The following NPTX2 variants were observed in gnomAD, a reference collection of about 807,000 sequenced individuals.
NPTX2 encodes neuronal pentraxin 2.
In NPTX2, 23 loss-of-function variants were observed where a neutral mutation model predicts 38.1. The observed-to-expected ratio is 0.60, with a 90% CI of 0.43 to 0.85. The LOEUF (loss-of-function observed/expected upper bound fraction) is 0.85, where lower values mean the gene tolerates loss of function less well. Among genes scored for constraint, NPTX2 ranks in the 40% least tolerant of loss-of-function variants. The probability of loss-of-function intolerance (pLI) is 0.00; values close to 1 mark genes in which losing one functional copy is unlikely to be tolerated. For missense variants in NPTX2, 553 were observed against 615.3 expected (o/e 0.90, Z 1.07); for synonymous variants, 291 against 287.3 (o/e 1.01, Z -0.13).
chr7:98,620,066 A>G (rs1489900748), intron 2 of NPTX2: 3 of 600,188 alleles, frequency 5.0e-6, no homozygotes, highest in Non-Finnish European at 5.9e-6. Context: ...GGGAAAAGTG[A>G]AAGTGTCCAG....
rs768933239 is a variant in NPTX2 at position 98,619,747 on chromosome 7, G to T, written c.531G>T (p.Val177=). 5 of 1,613,298 alleles carry T rather than the reference G, an allele frequency of 3.1e-6. No homozygotes were observed. The African/African-American group carries it at 4.0e-5, about 13-fold the overall frequency. The part of the protein sequence containing the change: ...GELERQLLRK[V]AELEDEKSLL... ...TGGAGAGGCAGCTTCTGCGCAAGGT[G>T]GCAGAGCTGGAGGACGAGAAGTCCC... The change falls in exon 2 of 5, where the codon GTG becomes GTT. Residue 177 remains valine, a synonymous_variant. Transcript: ENST00000265634.
chr7:98,628,859 C>G lies in NPTX2; in HGVS notation c.*230C>G, dbSNP rs1376057618. On this transcript the variant is annotated 3_prime_UTR_variant, in exon 5 of 5. Transcript: ENST00000265634. ...TGCCAGGGTCCCCTGGGAAGATGCC[C>G]CCAAGACACCTGCCCCAAGTGGGTG... 4.9e-6 allele frequency: 2 copies of G among 409,170 alleles called. No individual in the cohort carries two copies. The highest frequency in any genetic ancestry group is 8.7e-6 in the Non-Finnish European group (2 of 230,724). 25.3% of individuals were successfully genotyped at this position (409,170 alleles called of 1,614,324 possible).
chr7:98,619,693 C>CGAG lies in NPTX2; in HGVS notation c.479_481dup (p.Glu160dup). On this transcript the variant is annotated inframe_insertion, in exon 2 of 5. Transcript: ENST00000265634. ...ATGCTGGGCTGCCCGGCGACTTCCGCGAGGTGCTCCAGCAGCGGCTGGGGG... is the reference window on the plus strand; with the variant it reads ...ATGCTGGGCTGCCCGGCGACTTCCGCGAGGAGGTGCTCCAGCAGCGGCTGGGGG... 6.2e-7 allele frequency: 1 copy of CGAG among 1,613,472 alleles called. No homozygotes were observed. The highest frequency in any genetic ancestry group is 8.5e-7 in the Non-Finnish European group (1 of 1,180,040).
chr7:98,625,988 A>T (rs544131614), intron 3 of NPTX2, among the ~76,000 whole-genome samples: 2 of 152,028 alleles, frequency 1.3e-5, no homozygotes, highest in African/African-American at 4.8e-5. Context: ...TCTACAAAAA[A>T]TTAGAAAGTT....
At position 98,628,430 on chromosome 7, in the gene NPTX2, C is replaced by G; in HGVS notation, c.1097C>G (p.Thr366Ser). 6.2e-7 allele frequency: 1 copy of G among 1,608,082 alleles called. No homozygotes were observed. Among genetic ancestry groups the G allele is most frequent in the Non-Finnish European group, 8.5e-7 (1 of 1,175,712 alleles). ...ACCGTGGGGGGTAGGTTTGATGCCA[C>G]TCAGGCATTTGTCGGGGAGCTCAGC... ...QDTVGGRFDA[T>S]QAFVGELSQF... The change falls in exon 5 of 5, where the codon ACT becomes AGT. Residue 366 changes from threonine to serine, a missense_variant. Thr to Ser is a moderately conservative substitution (Grantham distance 58). Coordinates refer to ENST00000265634, the MANE Select transcript of NPTX2 (RefSeq NM_002523.3).
chr7:98,623,415 T>A (rs1791300861), intron 2 of NPTX2, among the ~76,000 whole-genome samples: 1 of 152,120 alleles, frequency 6.6e-6, no homozygotes, highest in African/African-American at 2.4e-5. Flanking sequence ...TTTCAAGGAT[T>A]TTAGAAGTGC....
At position 98,628,995 on chromosome 7, in the gene NPTX2, C is replaced by T. The variant is rs1349303347; in HGVS notation, c.*366C>T. 4.2e-5 allele frequency: 8 copies of T among 192,380 alleles called. No individual in the cohort carries two copies. Among genetic ancestry groups the T allele is most frequent in the South Asian group, 1.7e-4 (1 of 5,930 alleles). The allele number at this position is 192,380 out of a possible 1,614,324, so 11.9% of individuals were successfully genotyped here. On this transcript the variant is annotated 3_prime_UTR_variant, in exon 5 of 5. Transcript: ENST00000265634. The stretch of plus-strand genomic sequence containing the variant: ...GCCGCCTTCCAGTTCCTTGGTGTCC[C>T]GTGCACCCCTTCTGTCTGTCCCCTT...
At position 98,628,471 on chromosome 7, in the gene NPTX2, G is replaced by C; in HGVS notation, c.1138G>C (p.Asp380His). Residue 380 changes from aspartate (D) to histidine (H), a missense_variant, in exon 5 of 5, where the codon GAC (aspartate) becomes CAC (histidine). Asp to His is a moderately conservative substitution (Grantham distance 81, BLOSUM62 -1). Coordinates refer to ENST00000265634, the MANE Select transcript of NPTX2 (RefSeq NM_002523.3). ...GGAGCTCAGCCAGTTCAACATATGG[G>C]ACCGCGTCCTTCGCGCACAAGAAAT... is the stretch of plus-strand genomic sequence containing the variant. ...VGELSQFNIW[D>H]RVLRAQEIVN... 1 of 1,612,140 alleles carries C rather than the reference G, an allele frequency of 6.2e-7. No individual in the cohort carries two copies. The highest frequency in any genetic ancestry group is 1.1e-5 in the South Asian group (1 of 90,648).
Position 98,625,079 on chromosome 7 carries a change from C to G in NPTX2, c.801C>G (p.Pro267=), listed in dbSNP as rs779765826. The part of the protein sequence containing the change: ...RSSASPGIGT[P]FSYAVPGQAN... ...GCGCCTCACCAGGCATTGGCACCCC[C>G]TTCTCCTATGCGGTGCCAGGGCAGG... is the stretch of plus-strand genomic sequence containing the variant. Residue 267 remains proline, a synonymous_variant, in exon 3 of 5, where the codon CCC becomes CCG. Transcript: ENST00000265634. 3.1e-5 allele frequency: 50 copies of G among 1,613,142 alleles called. No individual in the cohort carries two copies. Among genetic ancestry groups the G allele is most frequent in the Non-Finnish European group, 4.2e-5 (49 of 1,179,936 alleles).
chr7:98,619,993 TAATA>T lies in NPTX2; in HGVS notation c.643+137_643+140del, dbSNP rs1791248804. 5.3e-6 allele frequency: 4 copies of T among 753,776 alleles called. No individual in the cohort carries two copies. The East Asian group carries it at 1.1e-4, about 20-fold the overall frequency. The allele number at this position is 753,776 out of a possible 1,614,324, so 46.7% of individuals were successfully genotyped here. On this transcript the variant is annotated intron_variant, in intron 2 of 4. Coordinates refer to ENST00000265634, the MANE Select transcript of NPTX2 (RefSeq NM_002523.3). ...CCTGGTTCCCGAGTGTGTGAGCAAA[TAATA>T]AAGGCGACTGAACAAGGTCATCTCA...
At chr7:98,620,392 G>A (rs948656034) in intron 2 of NPTX2, among the ~76,000 whole-genome samples, 1 of 152,146 alleles carries the variant, frequency 6.6e-6, no homozygotes, top group Non-Finnish European at 1.5e-5. Flanking sequence ...ATGCCCAATA[G>A]CAGAACATCC....
At chr7:98,620,375 T>C (rs1425642364) in intron 2 of NPTX2, among the ~76,000 whole-genome samples, 1 of 152,074 alleles carries the variant, frequency 6.6e-6, no homozygotes, top group East Asian at 1.9e-4. Context: ...CATGCATTGA[T>C]AGGAGGATGC....
chr7:98,625,664 C>T (rs1439277304), intron 3 of NPTX2, among the ~76,000 whole-genome samples: 1 of 152,134 alleles, frequency 6.6e-6, no homozygotes, highest in African/African-American at 2.4e-5. Context: ...TGTGTAACCA[C>T]CACCACGATG....
intron 1 of NPTX2, 131 bp from the exon 2 acceptor site, chr7:98,619,512 G>T: frequency 1.4e-6 from 1 of 708,566 alleles, no homozygotes; most frequent in East Asian, 2.6e-5. Context: ...ATGCTCCCCT[G>T]CCTGCCAGTG....
rs139599961 is a variant in NPTX2 at position 98,625,109 on chromosome 7, C to T, written c.831C>T (p.Asn277=). ...CCTATGCGGTGCCAGGGCAGGCCAA[C>T]GAGATCGTGCTGATCGAGTGGGGCA... ...PFSYAVPGQA[N]EIVLIEWGNN... Residue 277 remains asparagine, a synonymous_variant, in exon 3 of 5, where the codon AAC becomes AAT. Transcript: ENST00000265634. The T allele has an allele frequency of 1.5e-4, 249 of 1,610,798 alleles. No individual in the cohort carries two copies. Among genetic ancestry groups the T allele is most frequent in the Non-Finnish European group, 2.0e-4 (238 of 1,178,554 alleles).
At chr7:98,618,006 G>T (rs936239836) in intron 1 of NPTX2, 119 bp downstream of exon 1, 22 of 1,027,362 alleles carry the variant, frequency 2.1e-5, no homozygotes, top group Admixed American at 2.9e-5. Flanking sequence ...ATCGTCCGTG[G>T]GGGTGAGCTG....
At position 98,627,170 on chromosome 7, in the gene NPTX2, G is replaced by A. The variant is rs145736632; in HGVS notation, c.894G>A (p.Ala298=). 6.0e-5 allele frequency: 97 copies of A among 1,612,116 alleles called. No homozygotes were observed. The highest frequency in any genetic ancestry group is 8.0e-5 in the African/African-American group (6 of 75,014). The change falls in exon 4 of 5, where the codon GCG becomes GCA. Residue 298 remains alanine, a synonymous_variant. Coordinates refer to ENST00000265634, the MANE Select transcript of NPTX2 (RefSeq NM_002523.3). ...PIELLINDKV[A]QLPLFVSDGK... ...CTGCACATTGCTGCTCACAGGTTGC[G>A]CAGCTGCCCCTGTTTGTCAGTGACG...
In NPTX2 at chr7:98,617,477, GC is replaced by G; in HGVS notation, c.18del (p.Ala7ProfsTer53). Reference sequence around the variant, plus strand: ...CGGCGGCGGGATGCTGGCGCTGCTGGCCGCCAGCGTGGCGCTCGCCGTGGCC... The same window carrying G: ...CGGCGGCGGGATGCTGGCGCTGCTGGCGCCAGCGTGGCGCTCGCCGTGGCC... The part of the protein sequence containing the change: MLALL[A>X]ASVALAVAAG... On this transcript the variant is annotated frameshift_variant, in exon 1 of 5. Coordinates refer to ENST00000265634, the MANE Select transcript of NPTX2 (RefSeq NM_002523.3). LOFTEE classifies it high-confidence loss of function. 8.4e-7 allele frequency: 1 copy of G among 1,193,404 alleles called. No individual in the cohort carries two copies. The highest frequency in any genetic ancestry group is 1.1e-6 in the Non-Finnish European group (1 of 951,664). The allele number at this position is 1,193,404 out of a possible 1,614,324, so 73.9% of individuals were successfully genotyped here.
rs1330390562 is a variant in NPTX2, at chr7:98,627,535, G to A, written c.1068+191G>A. The stretch of plus-strand genomic sequence containing the variant: ...GCCACAGTGTCCTGACAGCCAGGTC[G>A]GGGGAGTGAGAACCCCCGCAGCCTG... On this transcript the variant is annotated intron_variant, in intron 4 of 4. Coordinates refer to ENST00000265634, the MANE Select transcript of NPTX2 (RefSeq NM_002523.3). Among the ~76,000 whole-genome samples, 3 of 152,232 alleles carry A rather than the reference G, an allele frequency of 2.0e-5. 1 individual carries two copies.
Sources: gnomAD v4.1 joint callset for allele counts (sites outside exome capture counted in the v4.1 genomes callset) on GRCh38, gnomAD v4.1.1 for gene constraint, MANE v1.5 for transcripts, NCBI Gene and HGNC (gene_info 2026-07-23, HGNC 2026-07-21) for gene names.